Variants in WDR7 observed in about 807,000 individuals in gnomAD.
The protein encoded by WDR7 is WD repeat domain 7.
WDR7 carries 46 observed loss-of-function variants against 169.4 expected under a neutral mutation model. The ratio of observed to expected loss-of-function variants is 0.27; its 90% CI spans 0.21 to 0.35. The LOEUF is 0.35. WDR7 is among the 10% of genes least tolerant of loss of function. The probability of loss-of-function intolerance (pLI) is 1.00; values close to 1 mark genes in which losing one functional copy is unlikely to be tolerated. For synonymous variants in WDR7, 612 were observed against 666.8 expected (o/e 0.92, Z 1.27); for missense variants, 1,534 against 1,859.3 (o/e 0.83, Z 3.22).
rs1242186330 is a variant in WDR7, at chr18:56,696,410, G to A, written c.1526G>A (p.Cys509Tyr). Residue 509 changes from cysteine (C) to tyrosine (Y), a missense_variant, in exon 12 of 28, where the codon TGT becomes TAT. Transcript: ENST00000254442. ...TCTGGAGAAATGAAACATATCTTCT[G>A]TGTTCATGGTGGTGAGATTACTCAA... ...IFSGEMKHIF[C>Y]VHGGEITQLL... is the part of the protein sequence containing the mutation. The A allele has an allele frequency of 8.7e-6, 14 of 1,614,104 alleles. No homozygotes were observed. The highest frequency in any genetic ancestry group is 1.7e-5 in the Admixed American group (1 of 60,026).
chr18:56,991,142 C>CTTTTT (rs1599225543), intron 26 of WDR7, among the ~76,000 whole-genome samples: 30 of 73,986 alleles, frequency 4.1e-4, no homozygotes, highest in Admixed American at 6.8e-4. Context: ...ACCTTCTCCT[C>CTTTTT]ATTTTTTTTT....
intron 12 of WDR7, among the ~76,000 whole-genome samples, chr18:56,710,124 C>T (rs1310905192): frequency 2.6e-5 from 4 of 151,796 alleles, no homozygotes; most frequent in African/African-American, 9.7e-5. Context: ...CTGCCTCAGC[C>T]TCCCGAGTAG....
chr18:56,839,994 G>A (rs913912095), intron 20 of WDR7, among the ~76,000 whole-genome samples: 3 of 152,106 alleles, frequency 2.0e-5, no homozygotes, highest in South Asian at 2.1e-4. Flanking sequence ...CCCAGGAGGC[G>A]GATGTTGTGG....
At chr18:56,676,633 A>C (rs2025249251) in intron 2 of WDR7, among the ~76,000 whole-genome samples, 1 of 152,112 alleles carries the variant, frequency 6.6e-6, no homozygotes, top group Non-Finnish European at 1.5e-5. Flanking sequence ...CACTATTTGC[A>C]TAAACACAAA....
intron 26 of WDR7, among the ~76,000 whole-genome samples, chr18:56,985,356 A>G (rs2047698633): frequency 6.6e-6 from 1 of 152,210 alleles, no homozygotes. Context: ...ATTAGGCTTG[A>G]CATGTTGCTA....
intron 20 of WDR7, among the ~76,000 whole-genome samples, chr18:56,864,397 G>A (rs931529756): frequency 6.6e-6 from 1 of 151,530 alleles, no homozygotes; most frequent in Admixed American, 6.6e-5. Flanking sequence ...GAGATCATAA[G>A]TATCTGGCCA....
intron 1 of WDR7, among the ~76,000 whole-genome samples, chr18:56,652,516 C>T (rs1157456290): frequency 6.6e-6 from 1 of 152,202 alleles, no homozygotes; most frequent in Non-Finnish European, 1.5e-5. Flanking sequence ...TATAAACAAA[C>T]TCGTGGCTGT....
intron 20 of WDR7, among the ~76,000 whole-genome samples, chr18:56,854,642 C>T (rs548271502): frequency 6.6e-4 from 100 of 152,142 alleles, no homozygotes; most frequent in Non-Finnish European, 1.3e-3. Flanking sequence ...CTTATCTGTT[C>T]AGATCTTCTT....
chr18:56,700,983 T>G (rs777999810), intron 12 of WDR7, among the ~76,000 whole-genome samples: 5 of 152,240 alleles, frequency 3.3e-5, no homozygotes, highest in Non-Finnish European at 7.3e-5. Context: ...AATTAAAATG[T>G]AAGAAAATTA....
intron 12 of WDR7, among the ~76,000 whole-genome samples, chr18:56,700,542 A>G (rs1036680650): frequency 1.5e-5 from 2 of 131,598 alleles, no homozygotes; most frequent in African/African-American, 5.7e-5. Flanking sequence ...GGTGTGAGCC[A>G]CTGCGCCTGG....
At chr18:56,865,207 G>A (rs2045865945) in intron 20 of WDR7, among the ~76,000 whole-genome samples, 1 of 152,140 alleles carries the variant, frequency 6.6e-6, no homozygotes, top group East Asian at 1.9e-4. Flanking sequence ...TTTAGGAAGA[G>A]TGAATGATGG....
chr18:56,780,277 T>G (rs2044297456), intron 18 of WDR7, among the ~76,000 whole-genome samples: 2 of 151,514 alleles, frequency 1.3e-5, no homozygotes, highest in East Asian at 2.0e-4. Context: ...TTTTCCTTAT[T>G]ATGGCATTCG....
chr18:56,878,343 G>T (rs75163940), intron 20 of WDR7, among the ~76,000 whole-genome samples: 1 of 151,816 alleles, frequency 6.6e-6, no homozygotes, highest in Non-Finnish European at 1.5e-5. Context: ...TCTCCTCCTC[G>T]TATGGCCCAT....
chr18:56,927,234 C>CT (rs2046820736), intron 22 of WDR7, among the ~76,000 whole-genome samples: 2 of 152,124 alleles, frequency 1.3e-5, no homozygotes, highest in African/African-American at 4.8e-5. Context: ...CCTTTTGCCT[C>CT]TCCCCCATGT....
intron 21 of WDR7, among the ~76,000 whole-genome samples, chr18:56,897,639 T>C (rs570308328): frequency 3.9e-5 from 6 of 152,038 alleles, no homozygotes; most frequent in African/African-American, 1.4e-4. Context: ...TGTTGTCACA[T>C]AAAAATTATG....
At chr18:56,944,256 T>A (rs978232796) in intron 25 of WDR7, among the ~76,000 whole-genome samples, 1 of 152,076 alleles carries the variant, frequency 6.6e-6, no homozygotes, top group African/African-American at 2.4e-5. Context: ...CCTCCCAAAG[T>A]GCTGGGATTA....
At chr18:56,710,323 C>T (rs750003662) in intron 12 of WDR7, among the ~76,000 whole-genome samples, 7 of 152,148 alleles carry the variant, frequency 4.6e-5, no homozygotes, top group East Asian at 3.9e-4. Context: ...TTTTGATACA[C>T]GTTCTTCTAG....
Position 56,776,770 on chromosome 18 carries a change from T to C in WDR7, c.2849-12T>C. The C allele has an allele frequency of 6.2e-7, 1 of 1,612,570 alleles. No homozygotes were observed. Among genetic ancestry groups the C allele is most frequent in the Non-Finnish European group, 8.5e-7 (1 of 1,178,648 alleles). On this transcript the variant is annotated splice_polypyrimidine_tract_variant and intron_variant, in intron 16 of 27. Coordinates refer to ENST00000254442, the MANE Select transcript of WDR7 (RefSeq NM_015285.3). ...TTCTCTCCTCTTTACTTCTTCTCTT[T>C]TCCTCTGCAAGTTGCTGCACCTGTC...
chr18:56,874,297 G>T (rs778830744), intron 20 of WDR7, among the ~76,000 whole-genome samples: 1 of 151,826 alleles, frequency 6.6e-6, no homozygotes, highest in Non-Finnish European at 1.5e-5. Flanking sequence ...GTATGGTTAC[G>T]CATTTAGGTG....
Sources: allele counts gnomAD v4.1 joint callset (sites outside exome capture counted in the v4.1 genomes callset), GRCh38; gene constraint gnomAD v4.1.1; transcripts MANE v1.5; gene names NCBI Gene and HGNC (gene_info 2026-07-23, HGNC 2026-07-21).